The following HS3ST2 variants were observed in gnomAD, a reference collection of about 807,000 sequenced individuals.
HS3ST2 encodes the protein heparan sulfate-glucosamine 3-sulfotransferase 2.
In HS3ST2, 17 loss-of-function variants were observed where a neutral mutation model predicts 26.3. The observed-to-expected ratio is 0.65, with a 90% CI of 0.44 to 0.97. The LOEUF is 0.97. Among genes scored for constraint, HS3ST2 ranks in the 50% least tolerant of loss-of-function variants. The probability of loss-of-function intolerance (pLI) is 0.00; values close to 1 mark genes in which losing one functional copy is unlikely to be tolerated. For missense variants in HS3ST2, 402 were observed against 501.2 expected (o/e 0.80, Z 1.89); for synonymous variants, 237 against 219.2 (o/e 1.08, Z -0.72).
At chr16:22,873,485 G>A in intron 1 of HS3ST2, among the ~76,000 whole-genome samples, 1 of 152,210 alleles carries the variant, frequency 6.6e-6, no homozygotes, top group East Asian at 1.9e-4. Context: ...TTAGAAGAGT[G>A]AGAGCAATGG....
intron 1 of HS3ST2, among the ~76,000 whole-genome samples, chr16:22,908,618 T>C (rs1033064594): frequency 6.6e-6 from 1 of 152,272 alleles, no homozygotes; most frequent in East Asian, 1.9e-4. Context: ...GGGGATTGAG[T>C]GTGCTCACTT....
chr16:22,906,357 G>A (rs913918758), intron 1 of HS3ST2, among the ~76,000 whole-genome samples: 20 of 27,880 alleles, frequency 7.2e-4, no homozygotes, highest in Non-Finnish European at 1.3e-3. Flanking sequence ...GCGACAGAGC[G>A]AGACTCCATC....
At chr16:22,824,126 G>A (rs1596603953) in intron 1 of HS3ST2, among the ~76,000 whole-genome samples, 1 of 152,376 alleles carries the variant, frequency 6.6e-6, no homozygotes, top group Non-Finnish European at 1.5e-5. Context: ...AGCAATTTAT[G>A]AGACAGTGGC....
intron 1 of HS3ST2, among the ~76,000 whole-genome samples, chr16:22,873,252 C>G (rs2141193908): frequency 6.6e-6 from 1 of 152,288 alleles, no homozygotes; most frequent in East Asian, 1.9e-4. Context: ...AGCACCACTT[C>G]TCTGAGCCTC....
At position 22,914,996 on chromosome 16, in the gene HS3ST2, A is replaced by C; in HGVS notation, c.538A>C (p.Ser180Arg). ...ESQITLEKTP[S>R]YFVTQEAPRR... Reference sequence around the variant, plus strand: ...CCAGATCACGCTGGAGAAGACGCCCAGCTACTTTGTCACTCAAGAGGCTCC... The same window carrying C: ...CCAGATCACGCTGGAGAAGACGCCCCGCTACTTTGTCACTCAAGAGGCTCC... Residue 180 changes from serine (S) to arginine (R), a missense_variant, in exon 2 of 2, where the codon AGC (serine) becomes CGC (arginine). Coordinates refer to ENST00000261374, the MANE Select transcript of HS3ST2 (RefSeq NM_006043.2). 6.2e-7 allele frequency: 1 copy of C among 1,613,908 alleles called. No homozygotes were observed. Among genetic ancestry groups the C allele is most frequent in the Non-Finnish European group, 8.5e-7 (1 of 1,179,988 alleles).
intron 1 of HS3ST2, among the ~76,000 whole-genome samples, chr16:22,885,014 T>A (rs1044590055): frequency 6.6e-6 from 1 of 151,932 alleles, no homozygotes; most frequent in African/African-American, 2.4e-5. Flanking sequence ...CTAATTTTTT[T>A]ATTTTTAGTA....
chr16:22,844,510 G>T (rs1471076667), intron 1 of HS3ST2, among the ~76,000 whole-genome samples: 1 of 152,116 alleles, frequency 6.6e-6, no homozygotes, highest in Non-Finnish European at 1.5e-5. Flanking sequence ...TTCTGGGAGG[G>T]ATGTGGTTTG....
intron 1 of HS3ST2, among the ~76,000 whole-genome samples, chr16:22,914,122 G>C (rs1387272315): frequency 6.6e-6 from 1 of 151,724 alleles, no homozygotes; most frequent in Non-Finnish European, 1.5e-5. Context: ...GGGAGACAGA[G>C]TGAAGTGAGA....
intron 1 of HS3ST2, among the ~76,000 whole-genome samples, chr16:22,913,123 AAAGG>A (rs1159183388): frequency 0.019 from 1,746 of 94,134 alleles, 68 homozygotes; most frequent in African/African-American, 0.051. Context: ...GAGAAGAAAG[AAAGG>A]AAGGAAGGAA....
chr16:22,908,200 G>A (rs1902379580), intron 1 of HS3ST2, among the ~76,000 whole-genome samples: 1 of 152,200 alleles, frequency 6.6e-6, no homozygotes. Flanking sequence ...GGTTTGGGGA[G>A]AGTTAGGAAT....
At chr16:22,867,273 G>A (rs1794047392) in intron 1 of HS3ST2, among the ~76,000 whole-genome samples, 1 of 152,068 alleles carries the variant, frequency 6.6e-6, no homozygotes, top group Admixed American at 6.5e-5. Context: ...AATAATTGCA[G>A]ACTTGCACCT....
At chr16:22,889,349 G>A (rs543457198) in intron 1 of HS3ST2, among the ~76,000 whole-genome samples, 2 of 152,164 alleles carry the variant, frequency 1.3e-5, no homozygotes, top group African/African-American at 2.4e-5. Context: ...CCAACACTTC[G>A]TATACAATTA....
intron 1 of HS3ST2, among the ~76,000 whole-genome samples, chr16:22,836,261 A>G (rs1478668897): frequency 6.6e-6 from 1 of 152,210 alleles, no homozygotes. Flanking sequence ...GAGACATGCC[A>G]TCTGTATTAG....
chr16:22,903,322 A>C (rs2141205198), intron 1 of HS3ST2, among the ~76,000 whole-genome samples: 1 of 152,336 alleles, frequency 6.6e-6, no homozygotes, highest in East Asian at 1.9e-4. Context: ...GAGATGATTT[A>C]GAGTTTAGAA....
Position 22,915,023 on chromosome 16 carries a change from C to G in HS3ST2, c.565C>G (p.Arg189Gly). 2.5e-6 allele frequency: 4 copies of G among 1,614,054 alleles called. No individual in the cohort carries two copies. The highest frequency in any genetic ancestry group is 2.5e-6 in the Non-Finnish European group (3 of 1,180,020). ...CTACTTTGTCACTCAAGAGGCTCCT[C>G]GACGCATCTTCAACATGTCCCGAGA... The part of the protein sequence containing the change: ...PSYFVTQEAP[R>G]RIFNMSRDTK... Residue 189 changes from arginine to glycine, a missense_variant, in exon 2 of 2, where the codon CGA (arginine) becomes GGA (glycine). Coordinates refer to ENST00000261374, the MANE Select transcript of HS3ST2 (RefSeq NM_006043.2).
chr16:22,817,026 G>C (rs1381260330), intron 1 of HS3ST2, among the ~76,000 whole-genome samples: 1 of 152,096 alleles, frequency 6.6e-6, no homozygotes, highest in African/African-American at 2.4e-5. Flanking sequence ...TTCAGGGATG[G>C]CTGCTTTTTA....
At chr16:22,914,909 A>T (rs896287759) in intron 1 of HS3ST2, 35 bp from the exon 2 acceptor site, 1 of 1,572,152 alleles carries the variant, frequency 6.4e-7, no homozygotes, top group African/African-American at 1.4e-5. Context: ...CCCCAGGGAA[A>T]CCTATTTGAT....
intron 1 of HS3ST2, among the ~76,000 whole-genome samples, chr16:22,822,279 C>T (rs1328302267): frequency 6.6e-6 from 1 of 152,150 alleles, no homozygotes; most frequent in Admixed American, 6.5e-5. Context: ...GATCCTCCCA[C>T]CTCAGCCTCC....
At chr16:22,850,834 CAAA>C (rs962687036) in intron 1 of HS3ST2, among the ~76,000 whole-genome samples, 1 of 151,690 alleles carries the variant, frequency 6.6e-6, no homozygotes, top group Non-Finnish European at 1.5e-5. Flanking sequence ...ACAACAACAA[CAAA>C]AAAAACAGAA....
Sources: allele counts gnomAD v4.1 joint callset (sites outside exome capture counted in the v4.1 genomes callset), GRCh38; gene constraint gnomAD v4.1.1; transcripts MANE v1.5; gene names NCBI Gene and HGNC (gene_info 2026-07-23, HGNC 2026-07-21).